Variants in ABCA5 observed in about 807,000 individuals in gnomAD.
ABCA5 encodes the protein cholesterol transporter ABCA5.
Under a neutral mutation model 206.0 loss-of-function variants are expected in ABCA5, and 163 were observed. The ratio of observed to expected loss-of-function variants is 0.79; its 90% CI spans 0.70 to 0.90. ABCA5 has a LOEUF of 0.90. Ranked by LOEUF, ABCA5 falls within the 40% of genes least tolerant of loss-of-function variation. The probability of loss-of-function intolerance (pLI) is 0.00; values close to 1 mark genes in which losing one functional copy is unlikely to be tolerated. For synonymous variants in ABCA5, 609 were observed against 613.8 expected (o/e 0.99, Z 0.11); for missense variants, 1,859 against 1,912.9 (o/e 0.97, Z 0.53).
chr17:69,318,325 C>G (rs981008010), intron 1 of ABCA5, among the ~76,000 whole-genome samples: 13 of 152,052 alleles, frequency 8.5e-5, no homozygotes, highest in Non-Finnish European at 4.4e-5. Flanking sequence ...AAACTTCTGA[C>G]CTCAGGTGAT....
At chr17:69,266,299 A>C (rs1049511545) in intron 23 of ABCA5, among the ~76,000 whole-genome samples, 15 of 152,176 alleles carry the variant, frequency 9.9e-5, no homozygotes, top group South Asian at 2.1e-4. Flanking sequence ...TTTTGGTGAC[A>C]GAAATGTTCT....
chr17:69,321,521 A>G (rs774574536), intron 1 of ABCA5, among the ~76,000 whole-genome samples: 4 of 152,238 alleles, frequency 2.6e-5, no homozygotes, highest in Non-Finnish European at 5.9e-5. Flanking sequence ...TTGGAAGAAT[A>G]AGAGAAAAAC....
intron 2 of ABCA5, 48 bp from the exon 3 acceptor site, chr17:69,313,344 A>T: frequency 1.1e-6 from 1 of 872,138 alleles, no homozygotes. Context: ...AATGGCAGCA[A>T]AAATCATCAA....
chr17:69,264,929 A>G (rs2075191621), intron 23 of ABCA5, 24 bp from the exon 24 acceptor site: 2 of 1,432,124 alleles, frequency 1.4e-6, no homozygotes, highest in Non-Finnish European at 1.9e-6. Context: ...AAAACAATTT[A>G]TTATAATTTT....
At chr17:69,318,150 T>C (rs1216785289) in intron 1 of ABCA5, among the ~76,000 whole-genome samples, 1 of 151,776 alleles carries the variant, frequency 6.6e-6, no homozygotes, top group Non-Finnish European at 1.5e-5. Context: ...CTCACTCTTT[T>C]GTCCAGGCTG....
intron 38 of ABCA5, among the ~76,000 whole-genome samples, chr17:69,248,038 A>T (rs1204332328): frequency 6.6e-6 from 1 of 152,126 alleles, no homozygotes; most frequent in Non-Finnish European, 1.5e-5. Flanking sequence ...CCCAATAAAC[A>T]GTGTGATTTG....
chr17:69,286,319 T>C lies in ABCA5; in HGVS notation c.2042-8A>G, dbSNP rs776472679. ...ATATCACAGCTTTCCTATCTGCAGA[T>C]AAATATTTACATTTCAATTTCTAAA... On this transcript the variant is annotated splice_polypyrimidine_tract_variant and splice_region_variant and intron_variant, in intron 15 of 38. Coordinates refer to ENST00000392676, the MANE Select transcript of ABCA5 (RefSeq NM_172232.4). The C allele has an allele frequency of 6.3e-7, 1 of 1,584,288 alleles. No homozygotes were observed. The highest frequency in any genetic ancestry group is 2.0e-5 in the Admixed American group (1 of 50,834).
rs1377982036 is a variant in ABCA5 at position 69,254,283 on chromosome 17, T to A, written c.4244+32A>T. 1.9e-6 allele frequency: 3 copies of A among 1,543,748 alleles called. No individual in the cohort carries two copies. In the Admixed American group the frequency reaches 5.8e-5, roughly 30 times the overall value. ...ATGAAATGCAAACCTTTCCTCTAAG[T>A]AACAAAAGGAATCTAAAGACAATTA... On this transcript the variant is annotated intron_variant, in intron 32 of 38. Transcript: ENST00000392676.
chr17:69,288,745 AG>A (rs1387445720), intron 14 of ABCA5, among the ~76,000 whole-genome samples: 120 of 151,630 alleles, frequency 7.9e-4, no homozygotes, highest in African/African-American at 2.8e-3. Context: ...AAAGAAAGAA[AG>A]AAAGAAAACA....
chr17:69,259,733 C>A lies in ABCA5; in HGVS notation c.3704G>T (p.Arg1235Ile). ...GAAAAAGGGATCTTTTCTTATTGAT[C>A]TGCCTCCATATTTTTTCTCATAGTA... is the stretch of plus-strand genomic sequence containing the variant. ...LQYYEKKYGG[R>I]SIRKDPFFRN... The change falls in exon 28 of 39, where the codon AGA (arginine) becomes ATA (isoleucine). Residue 1235 changes from arginine (R) to isoleucine (I), a missense_variant. Physicochemically the swap from Arg to Ile is moderately conservative, Grantham distance 97. Coordinates refer to ENST00000392676, the MANE Select transcript of ABCA5 (RefSeq NM_172232.4). The A allele has an allele frequency of 6.2e-7, 1 of 1,608,130 alleles. No individual in the cohort carries two copies.
chr17:69,254,137 CTATCA>C (rs1310240963), intron 32 of ABCA5, among the ~76,000 whole-genome samples, 173 bp downstream of exon 32: 1 of 151,978 alleles, frequency 6.6e-6, no homozygotes, highest in Non-Finnish European at 1.5e-5. Flanking sequence ...CTTTTTATAA[CTATCA>C]TAATTTACAG....
chr17:69,279,014 T>C (rs1435935773), intron 18 of ABCA5, among the ~76,000 whole-genome samples: 3 of 150,938 alleles, frequency 2.0e-5, no homozygotes, highest in Admixed American at 6.6e-5. Flanking sequence ...CTATTCAACA[T>C]AGTGTTGGAA....
At chr17:69,278,404 T>G (rs1436159645) in intron 18 of ABCA5, among the ~76,000 whole-genome samples, 1 of 152,214 alleles carries the variant, frequency 6.6e-6, no homozygotes, top group Non-Finnish European at 1.5e-5. Flanking sequence ...CTTATCACCA[T>G]GTTTGAGAGT....
At position 69,322,571 on chromosome 17, in the gene ABCA5, A is replaced by G. The variant is rs568356602; in HGVS notation, c.-16+4481T>C. Among the ~76,000 whole-genome samples, 3 of 152,270 alleles carry G rather than the reference A, an allele frequency of 2.0e-5. No individual in the cohort carries two copies. The East Asian group carries it at 5.8e-4, about 29-fold the overall frequency. Reference sequence around the variant, plus strand: ...TTTTAAAATCTAAGGTAGTTCTACTATTATACCTACTGCCTTTGTTAAAAG... The same window carrying G: ...TTTTAAAATCTAAGGTAGTTCTACTGTTATACCTACTGCCTTTGTTAAAAG... On this transcript the variant is annotated intron_variant, in intron 1 of 38. Coordinates refer to ENST00000392676, the MANE Select transcript of ABCA5 (RefSeq NM_172232.4).
chr17:69,251,463 G>A (rs2075012422), intron 35 of ABCA5: 1 of 314,428 alleles, frequency 3.2e-6, no homozygotes, highest in Non-Finnish European at 5.8e-6. Context: ...TCATATTTGT[G>A]TTACATAATT....
intron 1 of ABCA5, chr17:69,314,702 G>A (rs964743587): frequency 3.4e-5 from 9 of 266,614 alleles, no homozygotes; most frequent in East Asian, 2.1e-4. Context: ...CTCCCGAACC[G>A]CCCACAGAGG....
chr17:69,285,183 C>G (rs1266182359), intron 17 of ABCA5, among the ~76,000 whole-genome samples: 1 of 152,002 alleles, frequency 6.6e-6, no homozygotes, highest in East Asian at 1.9e-4. Context: ...AGGCACAGAC[C>G]AGCATCTGGT....
At position 69,271,171 on chromosome 17, in the gene ABCA5, A is replaced by G; in HGVS notation, c.2883T>C (p.His961=). The change falls in exon 21 of 39, where the codon CAT becomes CAC. Residue 961 remains histidine, a synonymous_variant. Transcript: ENST00000392676. ...APHSAALNVM[H]SEKDYVFAAV... ...ACTGCATTCATCTTACCTTTTCTGA[A>G]TGCATCACATTTAAAGCCGCACTAT... 1 of 1,611,298 alleles carries G rather than the reference A, an allele frequency of 6.2e-7. No homozygotes were observed. The highest frequency in any genetic ancestry group is 1.1e-5 in the South Asian group (1 of 90,326).
Position 69,306,798 on chromosome 17 carries a change from G to T in ABCA5, c.715C>A (p.His239Asn), listed in dbSNP as rs771770671. Residue 239 changes from histidine to asparagine, a missense_variant, in exon 6 of 39, where the codon CAT becomes AAT. Transcript: ENST00000392676. Reference sequence around the variant, plus strand: ...TTTTTTTCTTTTTCTGCTACGATATGAATTGCCAAAAAGTATCCAAAAGGT... The same window carrying T: ...TTTTTTTCTTTTTCTGCTACGATATTAATTGCCAAAAAGTATCCAAAAGGT... ...FSPFGYFLAI[H>N]IVAEKEKKIK... 13 of 1,585,524 alleles carry T rather than the reference G, an allele frequency of 8.2e-6. No individual in the cohort carries two copies. Among genetic ancestry groups the T allele is most frequent in the Non-Finnish European group, 6.9e-6 (8 of 1,165,848 alleles).
Sources: gnomAD v4.1 joint callset for allele counts (sites outside exome capture counted in the v4.1 genomes callset) on GRCh38, gnomAD v4.1.1 for gene constraint, MANE v1.5 for transcripts, NCBI Gene and HGNC (gene_info 2026-07-23, HGNC 2026-07-21) for gene names.